C1orf35: variants seen among roughly 807,000 people sequenced by gnomAD.
C1orf35 encodes the protein multiple myeloma tumor-associated protein 2.
In C1orf35, 36 loss-of-function variants were observed where a neutral mutation model predicts 30.9. The ratio of observed to expected loss-of-function variants is 1.16; its 90% CI spans 0.89 to 1.54. The LOEUF (loss-of-function observed/expected upper bound fraction) is 1.54, where lower values mean the gene tolerates loss of function less well. Among genes scored for constraint, C1orf35 ranks in the 40% most tolerant of loss-of-function variants. The probability of loss-of-function intolerance (pLI) is 0.00; values close to 1 mark genes in which losing one functional copy is unlikely to be tolerated. For synonymous variants in C1orf35, 179 were observed against 148.2 expected, an observed-to-expected ratio of 1.21 and a Z score of -1.51; for missense variants, 396 against 358.7, an observed-to-expected ratio of 1.10 and a Z score of -0.84.
rs777496273 is a variant in C1orf35 at position 228,101,198 on chromosome 1, T to G, written c.725A>C (p.Lys242Thr). 3.1e-6 allele frequency: 5 copies of G among 1,614,190 alleles called. No homozygotes were observed. The East Asian group carries it at 6.7e-5, about 22-fold the overall frequency. The change falls in exon 8 of 8, where the codon AAG becomes ACG. Residue 242 changes from lysine (K) to threonine (T), a missense_variant. Transcript: ENST00000272139. ...CCTCCTGTCCCCACTGTGTCCCCGC[T>G]TCCTCCTCTTACAGCAGGGGGAGTT... ...DSNSPCCKRR[K>T]RGHSGDRRSP...
chr1:228,102,820 C>T, intron 2 of C1orf35, 79 bp downstream of exon 2: 1 of 1,394,460 alleles, frequency 7.2e-7, no homozygotes, highest in Non-Finnish European at 9.3e-7. Flanking sequence ...CAGCCCGACC[C>T]CCAGTCCCCG....
At chr1:228,101,672 C>G in intron 6 of C1orf35, 199 bp from the exon 7 acceptor site, 1 of 1,443,516 alleles carries the variant, frequency 6.9e-7, no homozygotes, top group Non-Finnish European at 9.1e-7. Context: ...GCAATATCCC[C>G]ATCTCCACAG....
At position 228,103,128 on chromosome 1, in the gene C1orf35, A is replaced by AC; in HGVS notation, c.94+5dup. 1.2e-6 allele frequency: 2 copies of AC among 1,609,348 alleles called. No homozygotes were observed. The highest frequency in any genetic ancestry group is 1.7e-6 in the Non-Finnish European group (2 of 1,178,654). Reference sequence around the variant, plus strand: ...AGCCCGGAGCCCGCCCACCGCGCGCACCCACCCAGGTAGTTCTCCCGCTGC... The same window carrying AC: ...AGCCCGGAGCCCGCCCACCGCGCGCACCCCACCCAGGTAGTTCTCCCGCTGC... On this transcript the variant is annotated splice_donor_region_variant and intron_variant, in intron 1 of 7. Transcript: ENST00000272139.
Position 228,102,585 on chromosome 1 carries a change from C to A in C1orf35, c.292-25G>T, listed in dbSNP as rs765004577. 7.2e-5 allele frequency: 114 copies of A among 1,572,744 alleles called. 1 individual carries two copies. In the Admixed American group the frequency reaches 2.0e-3, roughly 28 times the overall value. On this transcript the variant is annotated intron_variant, in intron 3 of 7. Transcript: ENST00000272139. The stretch of plus-strand genomic sequence containing the variant: ...CCTGCAGGTGCGAGAGCACAGGGAG[C>A]GCTCGAGTCGGCCCCACACCCACGG...
chr1:228,101,369 T>G lies in C1orf35; in HGVS notation c.638A>C (p.Glu213Ala). 1 of 1,614,160 alleles carries G rather than the reference T, an allele frequency of 6.2e-7. No individual in the cohort carries two copies. The highest frequency in any genetic ancestry group is 8.5e-7 in the Non-Finnish European group (1 of 1,180,042). ...AGGAGATGTGGGAGAGGAGGTGGCC[T>G]CAGCTGGCCGCCTGTGCTCTTTGTC... ...KKDKEHRRPA[E>A]ATSSPTSPER... Residue 213 changes from glutamate to alanine, a missense_variant, in exon 7 of 8, where the codon GAG becomes GCG. Physicochemically the swap from Glu to Ala is moderately radical, Grantham distance 107 (BLOSUM62 -1). Transcript: ENST00000272139.
Position 228,103,298 on chromosome 1 carries a change from C to T in C1orf35, c.-71G>A, listed in dbSNP as rs2033027644. On this transcript the variant is annotated 5_prime_UTR_variant, in exon 1 of 8. Coordinates refer to ENST00000272139, the MANE Select transcript of C1orf35 (RefSeq NM_024319.4). ...AACCCGCAACCCGAGACCCGCTACC[C>T]ACTACCGTCGGACCCAGGCCCGACC... The T allele has an allele frequency of 1.3e-6, 2 of 1,552,278 alleles. No homozygotes were observed. Among genetic ancestry groups the T allele is most frequent in the Non-Finnish European group, 8.7e-7 (1 of 1,147,676 alleles).
At position 228,101,484 on chromosome 1, in the gene C1orf35, G is replaced by T. The variant is rs765241676; in HGVS notation, c.534-11C>A. On this transcript the variant is annotated splice_polypyrimidine_tract_variant and intron_variant, in intron 6 of 7. Transcript: ENST00000272139. ...CTGTGGCTCTCACAACTACAAGGAGGATACAAGGTGTGCCTCAGACCCTAG... is the reference window on the plus strand; with the variant it reads ...CTGTGGCTCTCACAACTACAAGGAGTATACAAGGTGTGCCTCAGACCCTAG... The T allele has an allele frequency of 1.9e-6, 3 of 1,610,766 alleles. No individual in the cohort carries two copies. In the Middle Eastern group the frequency reaches 4.9e-4, roughly 266 times the overall value.
rs866913318 is a variant in C1orf35, at chr1:228,102,771, G to C, written c.246-83C>G. 239 of 1,480,194 alleles carry C rather than the reference G, an allele frequency of 1.6e-4. 2 individuals carry two copies. The Middle Eastern group carries it at 5.4e-3, about 33-fold the overall frequency. The allele number at this position is 1,480,194 out of a possible 1,614,324, so 91.7% of individuals were successfully genotyped here. A position where few individuals can be genotyped will look rare whatever the true frequency, so the allele number is the denominator to read the frequency against. On this transcript the variant is annotated intron_variant, in intron 2 of 7. Transcript: ENST00000272139. ...TCACCACTCCAGCCTTCGTCCTCAG[G>C]GTCCCGCCCGCGCGAGTCCCCGCAG...
At position 228,101,346 on chromosome 1, in the gene C1orf35, G is replaced by A. The variant is rs565617476; in HGVS notation, c.661C>T (p.Pro221Ser). 8 of 1,614,178 alleles carry A rather than the reference G, an allele frequency of 5.0e-6. No homozygotes were observed. The East Asian group carries it at 1.3e-4, about 27-fold the overall frequency. ...ATATGGACCAGGGCATACCTCTCAG[G>A]AGATGTGGGAGAGGAGGTGGCCTCA... Reference protein sequence around the residue: ...PAEATSSPTSPERPRHHHHDS... With the variant: ...PAEATSSPTSSERPRHHHHDS... The change falls in exon 7 of 8, where the codon CCT (proline) becomes TCT (serine). Residue 221 changes from proline to serine, a missense_variant. By Grantham distance (74) the Pro-to-Ser change is moderately conservative. Coordinates refer to ENST00000272139, the MANE Select transcript of C1orf35 (RefSeq NM_024319.4).
In C1orf35 at chr1:228,103,260, G is replaced by T; in HGVS notation, c.-33C>A. ...GGAAGGCAGTTGCCTGGGGCCTGCG[G>T]CTTGCAACCTGCAACCCGCAACCCG... is the stretch of plus-strand genomic sequence containing the variant. On this transcript the variant is annotated 5_prime_UTR_variant, in exon 1 of 8. Transcript: ENST00000272139. 3 of 1,604,874 alleles carry T rather than the reference G, an allele frequency of 1.9e-6. No individual in the cohort carries two copies. The highest frequency in any genetic ancestry group is 2.2e-5 in the South Asian group (2 of 90,170).
chr1:228,102,582 G>C, intron 3 of C1orf35, 22 bp from the exon 4 acceptor site: 1 of 1,574,976 alleles, frequency 6.3e-7, no homozygotes, highest in Non-Finnish European at 8.6e-7. Flanking sequence ...AGAGCACAGG[G>C]AGCGCTCGAG....
intron 6 of C1orf35, 198 bp downstream of exon 6, chr1:228,101,882 G>C: frequency 7.0e-7 from 1 of 1,420,846 alleles, no homozygotes; most frequent in Non-Finnish European, 9.2e-7. Flanking sequence ...CAGTACTTAG[G>C]ACCTCTCTTC....
At chr1:228,101,614 TCA>T in intron 6 of C1orf35, 141 bp from the exon 7 acceptor site, 2 of 1,501,804 alleles carry the variant, frequency 1.3e-6, no homozygotes, top group South Asian at 1.3e-5. Context: ...ATTCCACTCC[TCA>T]GTTACGTAGT....
chr1:228,102,087 C>G lies in C1orf35; in HGVS notation c.526G>C (p.Glu176Gln). 6.3e-7 allele frequency: 1 copy of G among 1,583,674 alleles called. No individual in the cohort carries two copies. The highest frequency in any genetic ancestry group is 1.1e-5 in the South Asian group (1 of 88,508). Residue 176 changes from glutamate to glutamine, a missense_variant, in exon 6 of 8, where the codon GAA (glutamate) becomes CAA (glutamine). Glu to Gln is a conservative substitution (Grantham distance 29). Transcript: ENST00000272139. The stretch of plus-strand genomic sequence containing the variant: ...CAGGTGGCACAGCCTCACCTGCTTT[C>G]CGTCTGATCCTCCGCCCGCGGCTTC... ...RRKPRAEDQT[E>Q]SSCESHRKSK...
rs552184544 is a variant in C1orf35 at position 228,101,324 on chromosome 1, T to G, written c.668+15A>C. The G allele has an allele frequency of 1.8e-5, 29 of 1,614,160 alleles. No individual in the cohort carries two copies. The Admixed American group carries it at 3.2e-4, about 18-fold the overall frequency. ...GGCCCCCACCCCCAAGAGGCAGATA[T>G]GGACCAGGGCATACCTCTCAGGAGA... On this transcript the variant is annotated intron_variant, in intron 7 of 7. Coordinates refer to ENST00000272139, the MANE Select transcript of C1orf35 (RefSeq NM_024319.4).
In C1orf35 at chr1:228,103,140, AGTTCTCCCGCTGCTTGTCAGTCTTCAC is replaced by A. The variant is rs2124866379; in HGVS notation, c.61_87del (p.Val21_Asn29del). The A allele has an allele frequency of 6.2e-7, 1 of 1,611,154 alleles. No individual in the cohort carries two copies. Among genetic ancestry groups the A allele is most frequent in the Admixed American group, 1.7e-5 (1 of 59,936 alleles). ...GCCCACCGCGCGCACCCACCCAGGT[AGTTCTCCCGCTGCTTGTCAGTCTTCAC>A]GTCCTCCCAGTTGAACTGGTCCTGC... On this transcript the variant is annotated inframe_deletion, in exon 1 of 8. Coordinates refer to ENST00000272139, the MANE Select transcript of C1orf35 (RefSeq NM_024319.4).
intron 5 of C1orf35, 39 bp downstream of exon 5, chr1:228,102,269 CCT>C (rs762065505): frequency 7.7e-5 from 123 of 1,601,494 alleles, no homozygotes; most frequent in East Asian, 3.6e-4. Flanking sequence ...CCGCCCCACC[CCT>C]GTTAGCCCCT....
At chr1:228,102,863 C>T (rs2033011826) in intron 2 of C1orf35, 36 bp downstream of exon 2, 10 of 1,384,026 alleles carry the variant, frequency 7.2e-6, no homozygotes, top group South Asian at 1.6e-5. Context: ...GCAGCGCCGT[C>T]CCAGGCACCG....
chr1:228,101,521 A>G lies in C1orf35; in HGVS notation c.534-48T>C, dbSNP rs772742657. ...GCCTCAGACCCTAGTCTTGCAAGCC[A>G]AGAGAGTGAACACAAGCAGGCCCCA... On this transcript the variant is annotated intron_variant, in intron 6 of 7. Coordinates refer to ENST00000272139, the MANE Select transcript of C1orf35 (RefSeq NM_024319.4). 5 of 1,603,224 alleles carry G rather than the reference A, an allele frequency of 3.1e-6. No individual in the cohort carries two copies. In the Middle Eastern group the frequency reaches 5.0e-4, roughly 159 times the overall value.
Sources: gnomAD v4.1 joint callset for allele counts on GRCh38, gnomAD v4.1.1 for gene constraint, MANE v1.5 for transcripts, NCBI Gene and HGNC (gene_info 2026-07-23, HGNC 2026-07-21) for gene names.